Variants in DPH6 observed in about 807,000 individuals in gnomAD.
The protein encoded by DPH6 is diphthamine biosynthesis 6.
DPH6 carries 33 observed loss-of-function variants against 38.2 expected under a neutral mutation model. The observed-to-expected ratio is 0.86, with a 90% confidence interval of 0.65 to 1.15. The LOEUF (loss-of-function observed/expected upper bound fraction) is 1.15. DPH6 is among the 50% of genes most tolerant of loss of function. The probability of loss-of-function intolerance (pLI) is 0.00; values close to 1 mark genes in which losing one functional copy is unlikely to be tolerated. For synonymous variants in DPH6, 108 were observed against 103.0 expected, an observed-to-expected ratio of 1.05 and a Z score of -0.30; for missense variants, 325 against 320.0, an observed-to-expected ratio of 1.02 and a Z score of -0.12.
At chr15:35,185,724 CTTTTTTTTTTTTTTT>C in the DPH6 span, among the ~76,000 whole-genome samples, 5 of 83,016 alleles carry the variant, frequency 6.0e-5, no homozygotes, top group Admixed American at 1.4e-4. Flanking sequence ...CCAATCCACT[CTTTTTTTTTTTTTTT>C]TTTTTTTTTG....
the DPH6 span, among the ~76,000 whole-genome samples, chr15:35,195,513 C>G: frequency 6.6e-6 from 1 of 152,166 alleles, no homozygotes; most frequent in East Asian, 1.9e-4. Context: ...CCTGGGAGAC[C>G]AGAGAACTCA....
chr15:35,435,273 C>T (rs1993340), intron 5 of DPH6, among the ~76,000 whole-genome samples: 3,630 of 151,892 alleles, frequency 0.024, 146 homozygotes, highest in African/African-American at 0.084. Context: ...CTCTGTACAT[C>T]GTGAAATACA....
chr15:35,461,165 AC>A (rs1482246100), intron 3 of DPH6, among the ~76,000 whole-genome samples: 4 of 151,972 alleles, frequency 2.6e-5, no homozygotes, highest in Admixed American at 2.0e-4. Flanking sequence ...GCTCACTGCA[AC>A]CTCCGCCTGC....
rs796503995 is a variant in DPH6 at position 35,436,482 on chromosome 15, A to C, written c.505+14203T>G. ...CTCCGTCTCAAACAAAACAAACAAAAACAAAACAAAACAAAACAAAACAAA... is the reference window on the plus strand; with the variant it reads ...CTCCGTCTCAAACAAAACAAACAAACACAAAACAAAACAAAACAAAACAAA... On this transcript the variant is annotated intron_variant, in intron 5 of 8. Coordinates refer to ENST00000256538, the MANE Select transcript of DPH6 (RefSeq NM_080650.4). 8.1e-3 allele frequency among the ~76,000 whole-genome samples: 218 copies of C among 26,764 alleles called. 7 individuals are homozygous for C. The highest frequency in any genetic ancestry group is 0.052 in the East Asian group (8 of 154). 17.6% of individuals were successfully genotyped at this position (26,764 alleles called of 152,430 possible).
rs1381396026 is a variant in DPH6 at position 35,442,740 on chromosome 15, TA to T, written c.505+7944del. 1.2e-4 allele frequency among the ~76,000 whole-genome samples: 19 copies of T among 152,312 alleles called. No homozygotes were observed. In the East Asian group the frequency reaches 3.3e-3, roughly 26 times the overall value. ...TAATTTGGATGATTCTTGAAAACAT[TA>T]TTCTAAGTGAAAGAAGCCAGTCACA... On this transcript the variant is annotated intron_variant, in intron 5 of 8. Coordinates refer to ENST00000256538, the MANE Select transcript of DPH6 (RefSeq NM_080650.4).
chr15:35,190,156 T>G, the DPH6 span, among the ~76,000 whole-genome samples: 1 of 152,244 alleles, frequency 6.6e-6, no homozygotes. Flanking sequence ...AAGGCAACTG[T>G]GCTCCCTTTG....
chr15:35,497,495 G>A (rs1003837718), intron 3 of DPH6, among the ~76,000 whole-genome samples: 5 of 152,112 alleles, frequency 3.3e-5, no homozygotes, highest in African/African-American at 1.2e-4. Context: ...CCCTAAAAGG[G>A]TTAACCATAA....
chr15:35,456,497 T>C (rs549900940), intron 3 of DPH6, among the ~76,000 whole-genome samples: 155 of 148,240 alleles, frequency 1.0e-3, no homozygotes, highest in African/African-American at 3.7e-3. Context: ...TTATTATTAT[T>C]TTTTTTTTGA....
intron 3 of DPH6, chr15:35,521,995 G>C: frequency 4.7e-6 from 7 of 1,485,344 alleles, no homozygotes; most frequent in Non-Finnish European, 5.4e-6. Context: ...TCAACTACCA[G>C]CAAGCAGAAT....
intron 5 of DPH6, among the ~76,000 whole-genome samples, chr15:35,426,050 A>G (rs1267472188): frequency 1.3e-5 from 2 of 151,372 alleles, no homozygotes; most frequent in East Asian, 3.9e-4. Context: ...GACTACTGGT[A>G]TTTGTATTTG....
At chr15:35,274,600 T>A (rs1313235727) in intron 3 of DPH6, among the ~76,000 whole-genome samples, 1 of 151,602 alleles carries the variant, frequency 6.6e-6, no homozygotes, top group East Asian at 1.9e-4. Context: ...CAGACACTTC[T>A]CAAAAGAAGA....
intron 3 of DPH6, among the ~76,000 whole-genome samples, chr15:35,234,732 A>T (rs1334891397): frequency 1.3e-5 from 2 of 152,246 alleles, no homozygotes; most frequent in African/African-American, 4.8e-5. Flanking sequence ...ATGTGATCTA[A>T]ACTGTATCAA....
chr15:35,203,945 T>C, the DPH6 span, among the ~76,000 whole-genome samples: 1 of 151,686 alleles, frequency 6.6e-6, no homozygotes, highest in African/African-American at 2.4e-5. Flanking sequence ...AGATCTTATA[T>C]TATGTTTTTA....
intron 5 of DPH6, among the ~76,000 whole-genome samples, chr15:35,445,993 G>C (rs369426627): frequency 6.6e-6 from 1 of 152,180 alleles, no homozygotes; most frequent in East Asian, 1.9e-4. Context: ...TGTAAACCTC[G>C]AGTAACAACA....
At chr15:35,384,772 G>T (rs901999651) in intron 6 of DPH6, among the ~76,000 whole-genome samples, 1 of 152,138 alleles carries the variant, frequency 6.6e-6, no homozygotes, top group African/African-American at 2.4e-5. Flanking sequence ...CTACAAATGG[G>T]ATCTAATTAA....
chr15:35,386,181 C>A (rs2052953237), intron 6 of DPH6, among the ~76,000 whole-genome samples: 1 of 152,290 alleles, frequency 6.6e-6, no homozygotes, highest in Non-Finnish European at 1.5e-5. Flanking sequence ...ATGAACTCAT[C>A]ATTTTTTATG....
At chr15:35,407,480 A>G (rs916998981) in intron 6 of DPH6, among the ~76,000 whole-genome samples, 1 of 152,124 alleles carries the variant, frequency 6.6e-6, no homozygotes, top group Admixed American at 6.6e-5. Flanking sequence ...TGAAAGAACC[A>G]AAGAACTAAC....
chr15:35,325,108 G>A (rs902827957), intron 3 of DPH6, among the ~76,000 whole-genome samples: 1 of 152,066 alleles, frequency 6.6e-6, no homozygotes, highest in Non-Finnish European at 1.5e-5. Flanking sequence ...AGCATCACAT[G>A]TGATTAAGTA....
chr15:35,180,153 G>C, the DPH6 span, among the ~76,000 whole-genome samples: 6 of 152,042 alleles, frequency 3.9e-5, no homozygotes, highest in Non-Finnish European at 7.4e-5. Flanking sequence ...TACTGTAATA[G>C]ATTTTTCCAA....
Sources: gnomAD v4.1 joint callset for allele counts (sites outside exome capture counted in the v4.1 genomes callset) on GRCh38, gnomAD v4.1.1 for gene constraint, MANE v1.5 for transcripts, NCBI Gene and HGNC (gene_info 2026-07-23, HGNC 2026-07-21) for gene names.